The following RAF1 variants were observed in gnomAD, a reference collection of about 807,000 sequenced individuals.
RAF1 encodes the protein RAF proto-oncogene serine/threonine-protein kinase.
A neutral mutation model predicts 81.1 loss-of-function variants in RAF1; 27 were observed. The ratio of observed to expected loss-of-function variants is 0.33; its 90% CI spans 0.25 to 0.46. RAF1 has a LOEUF of 0.46. RAF1 is among the 20% of genes least tolerant of loss of function. The probability of loss-of-function intolerance (pLI) is 1.00; values close to 1 mark genes in which losing one functional copy is unlikely to be tolerated. For missense variants in RAF1, 598 were observed against 826.0 expected (o/e 0.72, Z 3.38); for synonymous variants, 298 against 294.0 (o/e 1.01, Z -0.14).
chr3:12,649,444 A>G (rs761321845), intron 1 of RAF1, among the ~76,000 whole-genome samples: 1 of 152,094 alleles, frequency 6.6e-6, no homozygotes, highest in Non-Finnish European at 1.5e-5. Flanking sequence ...TAAAAATAAA[A>G]CAAAATTAGC....
At chr3:12,649,589 TCACACACA>T (rs3072126) in intron 1 of RAF1, among the ~76,000 whole-genome samples, 1,680 of 150,430 alleles carry the variant, frequency 0.011, 40 homozygotes, top group African/African-American at 0.035. Flanking sequence ...CCAGAGACTG[TCACACACA>T]CACACACACA....
At chr3:12,655,624 A>G (rs576980100) in intron 1 of RAF1, among the ~76,000 whole-genome samples, 1 of 152,290 alleles carries the variant, frequency 6.6e-6, no homozygotes, top group South Asian at 2.1e-4. Context: ...TTTGTACACC[A>G]ATGTTCACTG....
In RAF1 at chr3:12,584,291, G is replaced by A. The variant is rs1200232065; in HGVS notation, c.*223C>T. On this transcript the variant is annotated 3_prime_UTR_variant, in exon 18 of 18. Coordinates refer to ENST00000442415, the MANE Select transcript of RAF1 (RefSeq NM_001354689.3). ...GCCTTGAGCATGGGGAATGTGGGGA[G>A]GGAGCAGGACACACCAGCACTGCAA... 7 of 572,986 alleles carry A rather than the reference G, an allele frequency of 1.2e-5. No individual in the cohort carries two copies. The highest frequency in any genetic ancestry group is 2.2e-5 in the Non-Finnish European group (7 of 321,354). 35.5% of individuals were successfully genotyped at this position (572,986 alleles called of 1,614,324 possible). A position where few individuals can be genotyped will look rare whatever the true frequency, so the allele number is the denominator to read the frequency against.
intron 2 of RAF1, among the ~76,000 whole-genome samples, chr3:12,616,320 T>C (rs2059367516): frequency 6.6e-6 from 1 of 152,168 alleles, no homozygotes; most frequent in Non-Finnish European, 1.5e-5. Context: ...GAAGATAGTC[T>C]CAATAACACT....
chr3:12,597,712 C>T lies in RAF1; in HGVS notation c.1168+1979G>A, dbSNP rs142074861. Among the ~76,000 whole-genome samples the T allele has an allele frequency of 1.9e-3, 296 of 152,028 alleles. 1 individual carries two copies. The highest frequency in any genetic ancestry group is 6.2e-3 in the African/African-American group (259 of 41,456). On this transcript the variant is annotated intron_variant, in intron 11 of 17. Coordinates refer to ENST00000442415, the MANE Select transcript of RAF1 (RefSeq NM_001354689.3). ...GGCGGATCGCTTGAGCTCATGATTT[C>T]GAGACCAGTCTAGGAAACATGGCGA... is the stretch of plus-strand genomic sequence containing the variant.
At chr3:12,617,659 G>A (rs1165934473) in intron 2 of RAF1, among the ~76,000 whole-genome samples, 1 of 151,978 alleles carries the variant, frequency 6.6e-6, no homozygotes, top group Non-Finnish European at 1.5e-5. Context: ...GCCGAGGCAG[G>A]TGGATTACCT....
chr3:12,617,059 C>T (rs1314318145), intron 2 of RAF1, among the ~76,000 whole-genome samples: 3 of 152,134 alleles, frequency 2.0e-5, no homozygotes, highest in Non-Finnish European at 4.4e-5. Context: ...CTCAGCCTCC[C>T]GAGTACCGAG....
At chr3:12,585,287 A>G (rs2125323517) in intron 15 of RAF1, 34 bp from the exon 15 acceptor site, 2 of 1,612,996 alleles carry the variant, frequency 1.2e-6, no homozygotes, top group South Asian at 1.1e-5. Context: ...AAGTGCATTT[A>G]TCACCATATG....
chr3:12,623,742 C>T (rs562789361), intron 1 of RAF1, among the ~76,000 whole-genome samples: 1 of 143,748 alleles, frequency 7.0e-6, no homozygotes, highest in South Asian at 2.1e-4. Flanking sequence ...TGCAGTGAGC[C>T]GAGATCATGC....
intron 1 of RAF1, among the ~76,000 whole-genome samples, chr3:12,642,325 C>G (rs971822046): frequency 6.9e-5 from 10 of 143,924 alleles, no homozygotes; most frequent in African/African-American, 2.3e-4. Context: ...AACAAAAAAA[C>G]AAAAACAAAC....
At chr3:12,592,586 T>G (rs1216311497) in intron 11 of RAF1, among the ~76,000 whole-genome samples, 2 of 152,070 alleles carry the variant, frequency 1.3e-5, no homozygotes, top group African/African-American at 4.8e-5. Context: ...GCAGCCAGGA[T>G]CAAAACCCCA....
chr3:12,631,609 C>T (rs1054765297), intron 1 of RAF1, among the ~76,000 whole-genome samples: 2 of 152,170 alleles, frequency 1.3e-5, no homozygotes, highest in African/African-American at 2.4e-5. Flanking sequence ...AAAAACAAAA[C>T]AAAACAAAAC....
chr3:12,586,278 G>A (rs1471637418), intron 14 of RAF1, among the ~76,000 whole-genome samples: 1 of 152,166 alleles, frequency 6.6e-6, no homozygotes, highest in African/African-American at 2.4e-5. Context: ...CCCTTACTGA[G>A]TGTTCAATGT....
chr3:12,653,052 C>T (rs1436457320), intron 1 of RAF1, among the ~76,000 whole-genome samples: 4 of 152,044 alleles, frequency 2.6e-5, no homozygotes, highest in Non-Finnish European at 4.4e-5. Flanking sequence ...GAGGATGATG[C>T]GGGTAGATCG....
At chr3:12,633,934 C>CAAAAA (rs35322613) in intron 1 of RAF1, among the ~76,000 whole-genome samples, 4 of 95,536 alleles carry the variant, frequency 4.2e-5, no homozygotes, top group Non-Finnish European at 6.4e-5. Context: ...AAAACTCTCT[C>CAAAAA]AAAAAAAAAA....
At chr3:12,636,328 C>A (rs2125516434) in intron 1 of RAF1, among the ~76,000 whole-genome samples, 1 of 151,156 alleles carries the variant, frequency 6.6e-6, no homozygotes, top group East Asian at 2.0e-4. Flanking sequence ...TGGTACATAC[C>A]ACCAAGCTAC....
intron 11 of RAF1, among the ~76,000 whole-genome samples, chr3:12,595,606 G>A (rs1258545927): frequency 6.6e-6 from 1 of 151,924 alleles, no homozygotes; most frequent in East Asian, 1.9e-4. Context: ...GAAGCCATAA[G>A]ATCTCCTTGA....
intron 1 of RAF1, among the ~76,000 whole-genome samples, chr3:12,619,750 G>A (rs2059496594): frequency 6.6e-6 from 1 of 152,040 alleles, no homozygotes; most frequent in Non-Finnish European, 1.5e-5. Flanking sequence ...CTTCAAGGAA[G>A]AAAAACTAAT....
At chr3:12,588,972 TC>T (rs1478244238) in intron 13 of RAF1, 1 of 153,016 alleles carries the variant, frequency 6.5e-6, no homozygotes, top group African/African-American at 2.4e-5. Flanking sequence ...GTCTGGGACC[TC>T]CCTCCATGCT....
Sources: allele counts gnomAD v4.1 joint callset (sites outside exome capture counted in the v4.1 genomes callset), GRCh38; gene constraint gnomAD v4.1.1; transcripts MANE v1.5; gene names NCBI Gene and HGNC (gene_info 2026-07-23, HGNC 2026-07-21).